ARID1B: variants seen among roughly 807,000 people sequenced by gnomAD.
The protein encoded by ARID1B is AT-rich interaction domain 1B.
In ARID1B, 30 loss-of-function variants were observed where a neutral mutation model predicts 212.3. That is an observed-to-expected ratio of 0.14 (90% CI 0.11 to 0.19). ARID1B has a LOEUF of 0.19. Among genes scored for constraint, ARID1B ranks in the 10% least tolerant of loss-of-function variants. The pLI, the probability that ARID1B is intolerant of heterozygous loss-of-function variation, is 1.00. For synonymous variants in ARID1B, 1,402 were observed against 1,301.7 expected, an observed-to-expected ratio of 1.08 and a Z score of -1.66; for missense variants, 2,891 against 3,204.0, an observed-to-expected ratio of 0.90 and a Z score of 2.36.
At chr6:156,969,722 A>T (rs191261373) in intron 4 of ARID1B, among the ~76,000 whole-genome samples, 3 of 152,198 alleles carry the variant, frequency 2.0e-5, no homozygotes, top group Non-Finnish European at 4.4e-5. Context: ...TACGAGCTTT[A>T]TATGGCCAGG....
At chr6:156,808,020 C>A (rs918364700) in intron 1 of ARID1B, among the ~76,000 whole-genome samples, 1 of 152,178 alleles carries the variant, frequency 6.6e-6, no homozygotes, top group Non-Finnish European at 1.5e-5. Context: ...TAACATCTTA[C>A]CATGAGTGTG....
chr6:156,922,245 T>C (rs1004461706), intron 3 of ARID1B, among the ~76,000 whole-genome samples: 5 of 150,660 alleles, frequency 3.3e-5, no homozygotes, highest in Non-Finnish European at 5.9e-5. Flanking sequence ...CAATCTCAGC[T>C]CACTGCAACC....
intron 6 of ARID1B, among the ~76,000 whole-genome samples, chr6:157,117,191 C>T (rs555701004): frequency 6.6e-6 from 1 of 152,132 alleles, no homozygotes; most frequent in African/African-American, 2.4e-5. Context: ...TTGCGTACTA[C>T]TACAAAAAGG....
rs574815004 is a variant in ARID1B at position 157,082,885 on chromosome 6, T to C, written c.2248-1777T>C. The stretch of plus-strand genomic sequence containing the variant: ...TTCTTCTTAGCAGAAGACATTTTGT[T>C]TTTCTATAGCATTTCTCTTTTTGAT... On this transcript the variant is annotated intron_variant, in intron 4 of 19. Coordinates refer to ENST00000636930, the MANE Select transcript of ARID1B (RefSeq NM_001374828.1). Among the ~76,000 whole-genome samples, 3 of 152,342 alleles carry C rather than the reference T, an allele frequency of 2.0e-5. No individual in the cohort carries two copies. In the South Asian group the frequency reaches 6.2e-4, roughly 32 times the overall value.
At chr6:156,791,542 C>T (rs1780009171) in intron 1 of ARID1B, among the ~76,000 whole-genome samples, 1 of 152,208 alleles carries the variant, frequency 6.6e-6, no homozygotes, top group Admixed American at 6.5e-5. Flanking sequence ...GCCATGTGCT[C>T]TGTGAATTGA....
At chr6:157,044,475 A>G (rs1782091525) in intron 4 of ARID1B, among the ~76,000 whole-genome samples, 1 of 152,226 alleles carries the variant, frequency 6.6e-6, no homozygotes, top group Non-Finnish European at 1.5e-5. Flanking sequence ...GGAAACAGAA[A>G]AAAATACAAT....
chr6:156,951,725 G>A (rs1195166985), intron 4 of ARID1B, among the ~76,000 whole-genome samples: 1 of 152,110 alleles, frequency 6.6e-6, no homozygotes, highest in East Asian at 1.9e-4. Context: ...TTACAGGTGT[G>A]AGCCACCGCA....
chr6:157,061,623 T>A (rs992364960), intron 4 of ARID1B, among the ~76,000 whole-genome samples: 1 of 151,840 alleles, frequency 6.6e-6, no homozygotes, highest in Non-Finnish European at 1.5e-5. Flanking sequence ...ACATAAGCAA[T>A]GAATAAAATT....
chr6:156,817,184 G>C (rs955337846), intron 1 of ARID1B, among the ~76,000 whole-genome samples: 1 of 150,890 alleles, frequency 6.6e-6, no homozygotes, highest in East Asian at 2.0e-4. Context: ...CAAGAGTTCA[G>C]ACCAGCCTGG....
At chr6:157,130,236 T>C (rs1788453805) in intron 6 of ARID1B, among the ~76,000 whole-genome samples, 4 of 151,970 alleles carry the variant, frequency 2.6e-5, no homozygotes, top group Admixed American at 2.6e-4. Flanking sequence ...ACCTTCATGG[T>C]TGGAGTGAAA....
At position 156,777,702 on chromosome 6, in the gene ARID1B, G is replaced by A. The variant is rs1397938107; in HGVS notation, c.22G>A (p.Ala8Thr). ...GATCATGGCCGCGCGGGCAGCAGCGGCGGCGGCGGCGGCGGCGGCGCGGGC... is the reference window on the plus strand; with the variant it reads ...GATCATGGCCGCGCGGGCAGCAGCGACGGCGGCGGCGGCGGCGGCGCGGGC... MAARAAAAAAAAAARARA... is the reference protein window; with the variant it reads MAARAAATAAAAAARARA... The change falls in exon 1 of 20, where the codon GCG becomes ACG. Residue 8 changes from alanine to threonine, a missense_variant. By Grantham distance (58) the Ala-to-Thr change is moderately conservative (BLOSUM62 0). Transcript: ENST00000636930. 6.7e-6 allele frequency: 1 copy of A among 148,474 alleles called. No individual in the cohort carries two copies. The highest frequency in any genetic ancestry group is 6.8e-5 in the Admixed American group (1 of 14,620). 9.2% of individuals were successfully genotyped at this position (148,474 alleles called of 1,614,324 possible).
intron 4 of ARID1B, among the ~76,000 whole-genome samples, chr6:157,047,813 T>C (rs2128547254): frequency 6.6e-6 from 1 of 152,306 alleles, no homozygotes; most frequent in African/African-American, 2.4e-5. Context: ...CTAGTAATAA[T>C]AAAAATGCAT....
At chr6:157,046,897 G>A (rs889912803) in intron 4 of ARID1B, among the ~76,000 whole-genome samples, 1 of 152,132 alleles carries the variant, frequency 6.6e-6, no homozygotes, top group African/African-American at 2.4e-5. Context: ...GAAAAAGGCT[G>A]AGGGAGGGAA....
chr6:157,050,334 A>G (rs1782515194), intron 4 of ARID1B, among the ~76,000 whole-genome samples: 2 of 152,202 alleles, frequency 1.3e-5, no homozygotes, highest in Non-Finnish European at 2.9e-5. Context: ...TCATGAGGTC[A>G]GGAGTTTGAG....
chr6:157,070,542 C>T (rs1277511178), intron 4 of ARID1B, among the ~76,000 whole-genome samples: 1 of 152,212 alleles, frequency 6.6e-6, no homozygotes, highest in African/African-American at 2.4e-5. Context: ...AGGAGCTCAG[C>T]ATCGTTTCCT....
chr6:156,839,741 C>G (rs1041008694), intron 2 of ARID1B, among the ~76,000 whole-genome samples: 1 of 152,152 alleles, frequency 6.6e-6, no homozygotes, highest in Non-Finnish European at 1.5e-5. Context: ...ACTGCACATA[C>G]GCAGCAGGCC....
intron 2 of ARID1B, among the ~76,000 whole-genome samples, chr6:156,891,893 A>G (rs1192859032): frequency 1.4e-4 from 19 of 137,968 alleles, no homozygotes; most frequent in African/African-American, 5.4e-4. Context: ...TTTTTTTGAG[A>G]CGGAGTCTCA....
chr6:157,196,326 TTTA>T lies in ARID1B; in HGVS notation c.4382+12_4382+14del, dbSNP rs767223102. On this transcript the variant is annotated intron_variant, in intron 16 of 19. Coordinates refer to ENST00000636930, the MANE Select transcript of ARID1B (RefSeq NM_001374828.1). ...CAGTTACGACCGAAGGTGAGTATTT[TTTA>T]AGATGACAATATGATGATTTACTAG... The T allele has an allele frequency of 6.3e-7, 1 of 1,583,710 alleles. No individual in the cohort carries two copies. The highest frequency in any genetic ancestry group is 2.1e-5 in the Admixed American group (1 of 48,676).
At position 156,986,869 on chromosome 6, in the gene ARID1B, A is replaced by G. The variant is rs148950850; in HGVS notation, c.2247+51293A>G. Among the ~76,000 whole-genome samples the G allele has an allele frequency of 2.4e-4, 36 of 152,210 alleles. No homozygotes were observed. The East Asian group carries it at 6.9e-3, about 29-fold the overall frequency. On this transcript the variant is annotated intron_variant, in intron 4 of 19. Transcript: ENST00000636930. The stretch of plus-strand genomic sequence containing the variant: ...AAAACACAAACTGGCTGTTCATTAT[A>G]TGTACTTTGTATTAATAAAACAACA...
Sources: gnomAD v4.1 joint callset for allele counts (sites outside exome capture counted in the v4.1 genomes callset) on GRCh38, gnomAD v4.1.1 for gene constraint, MANE v1.5 for transcripts, NCBI Gene and HGNC (gene_info 2026-07-23, HGNC 2026-07-21) for gene names.